The following ITGA9 variants were observed in gnomAD, a reference collection of about 807,000 sequenced individuals.
ITGA9 encodes the protein integrin subunit alpha 9, also known as integrin alpha-9.
In ITGA9, 56 loss-of-function variants were observed where a neutral mutation model predicts 127.8. The observed-to-expected ratio is 0.44, with a 90% CI of 0.35 to 0.55. ITGA9 has a LOEUF of 0.55. Ranked by LOEUF, ITGA9 falls within the 20% of genes least tolerant of loss-of-function variation. The pLI is 0.00. For synonymous variants in ITGA9, 508 were observed against 514.5 expected (o/e 0.99, Z 0.17); for missense variants, 1,196 against 1,347.1 (o/e 0.89, Z 1.76).
chr3:37,545,891 T>C (rs1699321565), intron 15 of ITGA9, among the ~76,000 whole-genome samples: 1 of 152,160 alleles, frequency 6.6e-6, no homozygotes, highest in African/African-American at 2.4e-5. Flanking sequence ...GCCCCTTTCC[T>C]CCTGGAACCT....
intron 15 of ITGA9, among the ~76,000 whole-genome samples, chr3:37,593,498 G>C (rs1699840197): frequency 6.6e-6 from 1 of 152,194 alleles, no homozygotes; most frequent in South Asian, 2.1e-4. Flanking sequence ...GTTGGTGTGT[G>C]GTGTGGGCTC....
intron 23 of ITGA9, among the ~76,000 whole-genome samples, chr3:37,755,325 A>C (rs1237656228): frequency 6.6e-6 from 1 of 152,116 alleles, no homozygotes; most frequent in Non-Finnish European, 1.5e-5. Flanking sequence ...CCCACTCCCT[A>C]ATCACCAGAG....
At chr3:37,742,846 G>C (rs17036862) in intron 21 of ITGA9, among the ~76,000 whole-genome samples, 2,869 of 152,254 alleles carry the variant, frequency 0.019, 85 homozygotes, top group African/African-American at 0.065. Flanking sequence ...TAAACATGAG[G>C]TACTGATGGA....
At chr3:37,465,431 C>T (rs1262123155) in intron 1 of ITGA9, among the ~76,000 whole-genome samples, 1 of 152,152 alleles carries the variant, frequency 6.6e-6, no homozygotes, top group South Asian at 2.1e-4. Context: ...AAGAGCATGC[C>T]ATTGGACACA....
At chr3:37,793,397 C>T (rs13067266) in intron 26 of ITGA9, among the ~76,000 whole-genome samples, 1,264 of 97,450 alleles carry the variant, frequency 0.013, 21 homozygotes, top group African/African-American at 0.063. Context: ...TCAACACACA[C>T]ACACACACAC....
chr3:37,616,358 A>G (rs1700074480), intron 15 of ITGA9, among the ~76,000 whole-genome samples: 1 of 152,122 alleles, frequency 6.6e-6, no homozygotes, highest in African/African-American at 2.4e-5. Context: ...GTTCTTTTAC[A>G]TTTGCTGAGG....
intron 18 of ITGA9, among the ~76,000 whole-genome samples, chr3:37,705,803 G>A (rs747068482): frequency 1.3e-5 from 2 of 152,300 alleles, no homozygotes; most frequent in Middle Eastern, 3.4e-3. Context: ...TGCATACTGA[G>A]CATCTGAGCT....
At chr3:37,689,476 G>A (rs1392650239) in intron 18 of ITGA9, among the ~76,000 whole-genome samples, 2 of 152,216 alleles carry the variant, frequency 1.3e-5, no homozygotes, top group Non-Finnish European at 2.9e-5. Flanking sequence ...GTTTCCTCAG[G>A]GGCAGGCCCA....
chr3:37,471,736 A>G (rs953839211), intron 2 of ITGA9, among the ~76,000 whole-genome samples: 2 of 152,134 alleles, frequency 1.3e-5, no homozygotes, highest in Non-Finnish European at 2.9e-5. Flanking sequence ...CTAGGGAAAG[A>G]TATGATCAGA....
At chr3:37,526,879 A>ACAGCCTCCACAGCTGGT (rs1699098661) in intron 13 of ITGA9, among the ~76,000 whole-genome samples, 4 of 152,344 alleles carry the variant, frequency 2.6e-5, no homozygotes, top group Middle Eastern at 3.4e-3. Flanking sequence ...GCTGGTCTCC[A>ACAGCCTCCACAGCTGGT]CTGCAGGGCT....
chr3:37,610,839 A>T (rs1700009193), intron 15 of ITGA9, among the ~76,000 whole-genome samples: 1 of 152,158 alleles, frequency 6.6e-6, no homozygotes, highest in Admixed American at 6.5e-5. Flanking sequence ...GTAAACCCAA[A>T]TGCTGTAGGT....
chr3:37,514,039 G>A, intron 9 of ITGA9, 139 bp downstream of exon 9: 1 of 1,030,996 alleles, frequency 9.7e-7, no homozygotes, highest in East Asian at 2.4e-5. Flanking sequence ...TATCTGTCTT[G>A]AATAAGCTCA....
intron 1 of ITGA9, among the ~76,000 whole-genome samples, chr3:37,461,318 T>C (rs1698314177): frequency 6.6e-6 from 1 of 152,198 alleles, no homozygotes; most frequent in Non-Finnish European, 1.5e-5. Flanking sequence ...TACTCAGCTC[T>C]CTGCTTAGGA....
At chr3:37,655,765 G>A (rs1242191077) in intron 17 of ITGA9, among the ~76,000 whole-genome samples, 1 of 152,096 alleles carries the variant, frequency 6.6e-6, no homozygotes, top group East Asian at 1.9e-4. Flanking sequence ...TGAAGTCTTT[G>A]CCCATGCCTA....
At chr3:37,626,037 A>G (rs368680355) in intron 15 of ITGA9, among the ~76,000 whole-genome samples, 1 of 152,208 alleles carries the variant, frequency 6.6e-6, no homozygotes, top group African/African-American at 2.4e-5. Flanking sequence ...AAAATAAGAT[A>G]TGCCACGACT....
intron 23 of ITGA9, among the ~76,000 whole-genome samples, chr3:37,768,877 C>G (rs577152418): frequency 6.6e-6 from 1 of 151,976 alleles, no homozygotes; most frequent in Admixed American, 6.6e-5. Flanking sequence ...TGTTCCTCTG[C>G]TAATTTAATC....
chr3:37,629,217 G>T lies in ITGA9; in HGVS notation c.1720G>T (p.Val574Leu). 1.9e-6 allele frequency: 3 copies of T among 1,613,394 alleles called. No homozygotes were observed. The highest frequency in any genetic ancestry group is 1.3e-5 in the African/African-American group (1 of 74,978). ...GGTGCAGGACGTCATCAGCCCGATC[G>T]TGTTTGAAGCAGCCTACAGCCTCAG... ...RRVQDVISPI[V>L]FEAAYSLSEH... is the part of the protein sequence containing the mutation. The change falls in exon 16 of 28, where the codon GTG becomes TTG. Residue 574 changes from valine (V) to leucine (L), a missense_variant. Coordinates refer to ENST00000264741, the MANE Select transcript of ITGA9 (RefSeq NM_002207.3). This position sits in a 1 kb window ranked among gnomAD's most constrained non-coding sequence, Gnocchi z 4.5.
rs756149178 is a variant in ITGA9 at position 37,542,575 on chromosome 3, C to A, written c.1679C>A (p.Ala560Asp). 6.2e-7 allele frequency: 1 copy of A among 1,614,056 alleles called. No individual in the cohort carries two copies. Among genetic ancestry groups the A allele is most frequent in the Non-Finnish European group, 8.5e-7 (1 of 1,179,970 alleles). Residue 560 changes from alanine (A) to aspartate (D), a missense_variant, in exon 15 of 28, where the codon GCC (alanine) becomes GAC (aspartate). Physicochemically the swap from Ala to Asp is moderately radical, Grantham distance 126. Transcript: ENST00000264741. ...YMEETCRHYV[A>D]HVKRRVQDVI... ...GAGGAGACGTGTCGTCACTATGTGG[C>A]CCATGTGAAGGTCAGTCCTCTCCTC...
At position 37,620,320 on chromosome 3, in the gene ITGA9, C is replaced by T. The variant is rs145555250; in HGVS notation, c.1690-8867C>T. Among the ~76,000 whole-genome samples, 517 of 152,290 alleles carry T rather than the reference C, an allele frequency of 3.4e-3. 7 individuals carry two copies. The highest frequency in any genetic ancestry group is 0.011 in the African/African-American group (473 of 41,566). On this transcript the variant is annotated intron_variant, in intron 15 of 27. Coordinates refer to ENST00000264741, the MANE Select transcript of ITGA9 (RefSeq NM_002207.3). ...TGTAGCGGCTAGGGCACTGAGGTCC[C>T]GTGACCTGGTTCCAGCCTGCTCTCC...
Sources: gnomAD v4.1 joint callset for allele counts (sites outside exome capture counted in the v4.1 genomes callset) on GRCh38, gnomAD v4.1.1 for gene constraint, Gnocchi (gnomAD v3.1) non-coding constraint, MANE v1.5 for transcripts, NCBI Gene and HGNC (gene_info 2026-07-23, HGNC 2026-07-21) for gene names.